The following FAM221B variants were observed in gnomAD, a reference collection of about 807,000 sequenced individuals.
The protein encoded by FAM221B is family with sequence similarity 221 member B.
FAM221B carries 35 observed loss-of-function variants against 39.8 expected under a neutral mutation model. The observed-to-expected ratio is 0.88, with a 90% CI of 0.67 to 1.17. FAM221B has a LOEUF of 1.17. FAM221B is among the 50% of genes most tolerant of loss of function. FAM221B has a pLI of 0.00. For missense variants in FAM221B, 479 were observed against 503.1 expected (o/e 0.95, Z 0.46); for synonymous variants, 158 against 178.1 (o/e 0.89, Z 0.90).
chr9:35,821,583 A>C (rs1407651457), intron 3 of FAM221B: 1 of 1,367,762 alleles, frequency 7.3e-7, no homozygotes, highest in Non-Finnish European at 9.8e-7. Flanking sequence ...GTCACAATGC[A>C]GGTGGGCGGG....
At position 35,818,200 on chromosome 9, in the gene FAM221B, G is replaced by T; in HGVS notation, c.*269C>A. ...ACACTTTTCAGTCTTTATCTTATTG[G>T]TGCCCCAACTGCATCTAACATCACT... On this transcript the variant is annotated 3_prime_UTR_variant, in exon 7 of 7. Transcript: ENST00000423537. 2.0e-6 allele frequency: 1 copy of T among 504,804 alleles called. No homozygotes were observed. The highest frequency in any genetic ancestry group is 2.4e-5 in the South Asian group (1 of 41,866). 31.3% of individuals were successfully genotyped at this position (504,804 alleles called of 1,614,324 possible). A position where few individuals can be genotyped will look rare whatever the true frequency, so the allele number is the denominator to read the frequency against.
intron 3 of FAM221B, chr9:35,821,513 C>T (rs1243111203): frequency 7.3e-7 from 1 of 1,367,900 alleles, no homozygotes; most frequent in Admixed American, 1.9e-5. Context: ...TGCTGATTGC[C>T]TGTAGTGCCA....
Position 35,825,817 on chromosome 9 carries a change from A to T in FAM221B, c.345T>A (p.Tyr115Ter), listed in dbSNP as rs1829331094. Residue 115 changes from tyrosine to a stop codon, truncating the protein, a stop_gained, in exon 2 of 7, where the codon TAT becomes TAA. Coordinates refer to ENST00000423537, the MANE Select transcript of FAM221B (RefSeq NM_001012446.4). LOFTEE classifies it high-confidence loss of function. This position sits in a 1 kb window ranked among gnomAD's most constrained non-coding sequence, Gnocchi z 4.2. The part of the protein sequence containing the change: ...HLTLPPQSRD[Y>*]VCLSSSDTLK... ...GAGTATCAGAAGAAGACAGACAGAC[A>T]TAGTCTCGTGATTGGGGAGGAAGAG... The T allele has an allele frequency of 6.2e-7, 1 of 1,614,140 alleles. No individual in the cohort carries two copies. The highest frequency in any genetic ancestry group is 1.1e-5 in the South Asian group (1 of 91,086).
At position 35,819,930 on chromosome 9, in the gene FAM221B, G is replaced by A. The variant is rs1285249433; in HGVS notation, c.813C>T (p.Cys271=). 1.2e-6 allele frequency: 2 copies of A among 1,609,344 alleles called. No homozygotes were observed. Among genetic ancestry groups the A allele is most frequent in the Non-Finnish European group, 8.5e-7 (1 of 1,176,948 alleles). The change falls in exon 4 of 7, where the codon TGC becomes TGT. Residue 271 remains cysteine (C), a synonymous_variant. Coordinates refer to ENST00000423537, the MANE Select transcript of FAM221B (RefSeq NM_001012446.4). ...DCFRIGDESR[C]FCGHLLREHR... Reference sequence around the variant, plus strand: ...GCTCTCTCAACAAGTGTCCACAAAAGCATCTGGACTCATCCCCAATCCGGA... The same window carrying A: ...GCTCTCTCAACAAGTGTCCACAAAAACATCTGGACTCATCCCCAATCCGGA...
chr9:35,819,044 A>G (rs1408486780), intron 5 of FAM221B, 35 bp from the exon 6 acceptor site: 1 of 1,551,248 alleles, frequency 6.4e-7, no homozygotes, highest in South Asian at 1.2e-5. Context: ...GAGTTTAGGA[A>G]ATGGTGGTAT....
In FAM221B at chr9:35,825,730, G is replaced by C. The variant is rs115407050; in HGVS notation, c.432C>G (p.Thr144=). The C allele has an allele frequency of 9.0e-4, 1,458 of 1,614,168 alleles. 9 individuals carry two copies. In the African/African-American group the frequency reaches 0.017, roughly 18 times the overall value. ...GAAGGCTCTCAGATTCAGAGAGATGGGTAGACCTCCTTGTCCATGGGACCT... is the reference window on the plus strand; with the variant it reads ...GAAGGCTCTCAGATTCAGAGAGATGCGTAGACCTCCTTGTCCATGGGACCT... ...SNEVPWTRRS[T]HLSESESLPE... is the part of the protein sequence containing the mutation. Residue 144 remains threonine, a synonymous_variant, in exon 2 of 7, where the codon ACC becomes ACG. Transcript: ENST00000423537. The surrounding 1 kb of genome is among the most constrained non-coding windows in gnomAD (Gnocchi z 4.2).
chr9:35,825,084 C>T lies in FAM221B; in HGVS notation c.742+146G>A. The T allele has an allele frequency of 1.1e-6, 1 of 898,204 alleles. No individual in the cohort carries two copies. Among genetic ancestry groups the T allele is most frequent in the South Asian group, 1.7e-5 (1 of 58,780 alleles). The allele number at this position is 898,204 out of a possible 1,614,324, so 55.6% of individuals were successfully genotyped here. ...TGCATCCACCCTTGTATTCCTTGGC[C>T]CACTTGCCTGCTCCTTTTCCAGGCA... On this transcript the variant is annotated intron_variant, in intron 3 of 6. Coordinates refer to ENST00000423537, the MANE Select transcript of FAM221B (RefSeq NM_001012446.4). This position sits in a 1 kb window ranked among gnomAD's most constrained non-coding sequence, Gnocchi z 4.2.
In FAM221B at chr9:35,817,815, T is replaced by A. The variant is rs1345896359; in HGVS notation, c.*654A>T. 6.6e-6 allele frequency: 1 copy of A among 152,432 alleles called. No individual in the cohort carries two copies. The highest frequency in any genetic ancestry group is 2.4e-5 in the African/African-American group (1 of 41,454). 9.4% of individuals were successfully genotyped at this position (152,432 alleles called of 1,614,324 possible). On this transcript the variant is annotated 3_prime_UTR_variant, in exon 7 of 7. Coordinates refer to ENST00000423537, the MANE Select transcript of FAM221B (RefSeq NM_001012446.4). ...AGGAAGGCTCCATCCTCTTCCTTCG[T>A]CTTGGTCATAGGAAGTGGTGTTTCT...
intron 5 of FAM221B, 54 bp downstream of exon 5, chr9:35,819,143 G>A (rs1298635025): frequency 1.2e-5 from 18 of 1,533,614 alleles, no homozygotes; most frequent in Non-Finnish European, 1.5e-5. Flanking sequence ...TCCCCAGATT[G>A]CATCCTATCC....
chr9:35,822,703 G>C (rs997522420), intron 3 of FAM221B, among the ~76,000 whole-genome samples: 1 of 152,224 alleles, frequency 6.6e-6, no homozygotes, highest in East Asian at 1.9e-4. Flanking sequence ...CGCTGCGCTC[G>C]GCCTGTTAGC....
At position 35,825,225 on chromosome 9, in the gene FAM221B, C is replaced by T. The variant is rs1564007718; in HGVS notation, c.742+5G>A. On this transcript the variant is annotated splice_donor_5th_base_variant and intron_variant, in intron 3 of 6. Transcript: ENST00000423537. This position sits in a 1 kb window ranked among gnomAD's most constrained non-coding sequence, Gnocchi z 4.2. ...ACAGGCCTCTGAAAGGCCACATGGG[C>T]TCACCTGTCTGGATGGCATTCAGGG... 1 of 1,614,152 alleles carries T rather than the reference C, an allele frequency of 6.2e-7. No individual in the cohort carries two copies. Among genetic ancestry groups the T allele is most frequent in the Non-Finnish European group, 8.5e-7 (1 of 1,180,014 alleles).
chr9:35,818,830 C>A, intron 6 of FAM221B, 60 bp downstream of exon 6: 1 of 1,545,954 alleles, frequency 6.5e-7, no homozygotes, highest in Non-Finnish European at 8.7e-7. Context: ...GAGTGCCTTC[C>A]TGCCTGGCCT....
chr9:35,826,209 C>G (rs770048780), intron 1 of FAM221B, 48 bp from the exon 2 acceptor site: 1 of 1,455,818 alleles, frequency 6.9e-7, no homozygotes, highest in Non-Finnish European at 9.3e-7. Context: ...AAATAGAGGG[C>G]CGGCAAGTCA....
Position 35,819,916 on chromosome 9 carries a change from A to T in FAM221B, c.827T>A (p.Leu276Ter), listed in dbSNP as rs1267760008. ...GDESRCFCGH[L>*]LREHRIISDI... is the part of the protein sequence containing the mutation. Reference sequence around the variant, plus strand: ...TGAGATGATCCGGTGCTCTCTCAACAAGTGTCCACAAAAGCATCTGGACTC... The same window carrying T: ...TGAGATGATCCGGTGCTCTCTCAACTAGTGTCCACAAAAGCATCTGGACTC... The change falls in exon 4 of 7, where the codon TTG becomes TAG. Residue 276 changes from leucine (L) to a stop codon, truncating the protein, a stop_gained. Coordinates refer to ENST00000423537, the MANE Select transcript of FAM221B (RefSeq NM_001012446.4). LOFTEE classifies it high-confidence loss of function. The T allele has an allele frequency of 6.2e-7, 1 of 1,610,796 alleles. No homozygotes were observed. Among genetic ancestry groups the T allele is most frequent in the Admixed American group, 1.7e-5 (1 of 59,658 alleles).
At position 35,816,639 on chromosome 9, in the gene FAM221B, T is replaced by C. The variant is rs749476453; in HGVS notation, c.*1830A>G. On this transcript the variant is annotated 3_prime_UTR_variant, in exon 7 of 7. Transcript: ENST00000423537. ...TCCTAACTCTATTGTTGACTATTAG[T>C]TGAATTAGTTTTAGGTGAATGGTTA... 1.3e-5 allele frequency: 2 copies of C among 152,340 alleles called. No homozygotes were observed. The highest frequency in any genetic ancestry group is 2.9e-5 in the Non-Finnish European group (2 of 68,024). 9.4% of individuals were successfully genotyped at this position (152,340 alleles called of 1,614,324 possible).
At position 35,818,941 on chromosome 9, in the gene FAM221B, C is replaced by T. The variant is rs954079597; in HGVS notation, c.1120G>A (p.Glu374Lys). The T allele has an allele frequency of 2.3e-5, 36 of 1,551,864 alleles. No individual in the cohort carries two copies. The highest frequency in any genetic ancestry group is 3.3e-4 in the Middle Eastern group (2 of 5,988). The change falls in exon 6 of 7, where the codon GAG (glutamate) becomes AAG (lysine). Residue 374 changes from glutamate to lysine, a missense_variant. Physicochemically the swap from Glu to Lys is moderately conservative, Grantham distance 56. Coordinates refer to ENST00000423537, the MANE Select transcript of FAM221B (RefSeq NM_001012446.4). ...AACDRRWEEH[E>K]TFFDTQKTRQ... ...GTCTTCTGGGTGTCAAAGAAAGTCT[C>T]GTGTTCCTCCCAGCGCCGGTCACAG... is the stretch of plus-strand genomic sequence containing the variant.
Position 35,819,405 on chromosome 9 carries a change from G to T in FAM221B, c.854-11C>A, listed in dbSNP as rs765761750. The T allele has an allele frequency of 1.3e-6, 2 of 1,549,702 alleles. No individual in the cohort carries two copies. Among genetic ancestry groups the T allele is most frequent in the Non-Finnish European group, 1.7e-6 (2 of 1,145,462 alleles). On this transcript the variant is annotated splice_polypyrimidine_tract_variant and intron_variant, in intron 4 of 6. Transcript: ENST00000423537. The stretch of plus-strand genomic sequence containing the variant: ...AGGGCACCGATATGTCTGTGGGATT[G>T]GGGATGGATGGTAGGGTTAATCTGA...
intron 3 of FAM221B, among the ~76,000 whole-genome samples, chr9:35,823,003 A>C (rs565801444): frequency 1.3e-5 from 2 of 152,350 alleles, no homozygotes; most frequent in South Asian, 4.1e-4. Context: ...CTGCCCTTCT[A>C]GAGCAGAGTG....
rs1216519136 is a variant in FAM221B, at chr9:35,818,120, G to A, written c.*349C>T. ...TGACTCCTGCCTCCACTGCACCAGT[G>A]TGAAACTGCACTCTCCGATGTTCCC... On this transcript the variant is annotated 3_prime_UTR_variant, in exon 7 of 7. Transcript: ENST00000423537. 7.2e-6 allele frequency: 2 copies of A among 278,074 alleles called. No individual in the cohort carries two copies. Among genetic ancestry groups the A allele is most frequent in the African/African-American group, 4.4e-5 (2 of 45,580 alleles). 17.2% of individuals were successfully genotyped at this position (278,074 alleles called of 1,614,324 possible). A position where few individuals can be genotyped will look rare whatever the true frequency, so the allele number is the denominator to read the frequency against.
Sources: gnomAD v4.1 joint callset for allele counts (sites outside exome capture counted in the v4.1 genomes callset) on GRCh38, gnomAD v4.1.1 for gene constraint, Gnocchi (gnomAD v3.1) non-coding constraint, MANE v1.5 for transcripts, NCBI Gene and HGNC (gene_info 2026-07-23, HGNC 2026-07-21) for gene names.